C1orf94: variants seen among roughly 807,000 people sequenced by gnomAD.
The protein encoded by C1orf94 is uncharacterized protein C1orf94.
Under a neutral mutation model 53.6 loss-of-function variants are expected in C1orf94, and 45 were observed. The ratio of observed to expected loss-of-function variants is 0.84; its 90% CI spans 0.66 to 1.08. The LOEUF (loss-of-function observed/expected upper bound fraction) is 1.08. C1orf94 is among the 50% of genes least tolerant of loss of function. The probability of loss-of-function intolerance (pLI) is 0.00; values close to 1 mark genes in which losing one functional copy is unlikely to be tolerated. For missense variants in C1orf94, 762 were observed against 738.9 expected, an observed-to-expected ratio of 1.03 and a Z score of -0.36; for synonymous variants, 304 against 296.1, an observed-to-expected ratio of 1.03 and a Z score of -0.27.
intron 5 of C1orf94, among the ~76,000 whole-genome samples, chr1:34,211,479 T>A (rs141165593): frequency 9.6e-4 from 146 of 152,286 alleles, no homozygotes; most frequent in South Asian, 3.7e-3. Context: ...AATTCCTGTA[T>A]TTCCCTAGAG....
At chr1:34,176,763 A>G, upstream of C1orf94, among the ~76,000 whole-genome samples, 1 of 152,090 alleles carries the variant, frequency 6.6e-6, no homozygotes, top group East Asian at 1.9e-4. Flanking sequence ...CCCAGGCAGG[A>G]GCTGAGATTT....
At chr1:34,182,863 G>A (rs961831312) in intron 1 of C1orf94, among the ~76,000 whole-genome samples, 2 of 152,168 alleles carry the variant, frequency 1.3e-5, no homozygotes, top group African/African-American at 2.4e-5. Flanking sequence ...TGAGAGCTGG[G>A]AGGATGTCTT....
At chr1:34,210,154 C>T (rs297794) in intron 5 of C1orf94, among the ~76,000 whole-genome samples, 5,532 of 152,214 alleles carry the variant, frequency 0.036, 245 homozygotes, top group African/African-American at 0.11. Flanking sequence ...TGTGTGAACT[C>T]TAGGACCTGC....
In C1orf94 at chr1:34,199,498, C is replaced by G. The variant is rs149054858; in HGVS notation, c.1010-1274C>G. On this transcript the variant is annotated intron_variant, in intron 2 of 6. Transcript: ENST00000488417. The stretch of plus-strand genomic sequence containing the variant: ...AGTGCTAGGAAGACAGCCTTAGCCC[C>G]GAAGCTCAGCCCCCAAGCCGCTGGG... 4.5e-3 allele frequency among the ~76,000 whole-genome samples: 683 copies of G among 152,278 alleles called. 10 individuals are homozygous for G. The highest frequency in any genetic ancestry group is 0.016 in the African/African-American group (650 of 41,562).
chr1:34,197,155 A>T lies in C1orf94; in HGVS notation c.321-70A>T. 1 of 1,362,902 alleles carries T rather than the reference A, an allele frequency of 7.3e-7. No individual in the cohort carries two copies. Among genetic ancestry groups the T allele is most frequent in the Non-Finnish European group, 9.8e-7 (1 of 1,015,948 alleles). The allele number at this position is 1,362,902 out of a possible 1,614,324, so 84.4% of individuals were successfully genotyped here. A position where few individuals can be genotyped will look rare whatever the true frequency, so the allele number is the denominator to read the frequency against. On this transcript the variant is annotated intron_variant, in intron 1 of 6. Coordinates refer to ENST00000488417, the MANE Select transcript of C1orf94 (RefSeq NM_001134734.2). The surrounding 1 kb of genome is among the most constrained non-coding windows in gnomAD (Gnocchi z 4.1). ...CATCCATCTCCCTTTTCTGGGGCCT[A>T]TGTCCTTCTGCAAAGCCACGCCTTG...
At chr1:34,214,052 G>C (rs1642943569) in intron 6 of C1orf94, among the ~76,000 whole-genome samples, 1 of 152,206 alleles carries the variant, frequency 6.6e-6, no homozygotes, top group Non-Finnish European at 1.5e-5. Context: ...AATAGGACAT[G>C]CTTCTTCCCT....
chr1:34,181,975 C>G (rs1642316863), intron 1 of C1orf94, among the ~76,000 whole-genome samples: 1 of 152,152 alleles, frequency 6.6e-6, no homozygotes, highest in Non-Finnish European at 1.5e-5. Context: ...GGGCAGAACG[C>G]TTGAGCCCAG....
At chr1:34,201,996 A>T in intron 3 of C1orf94, 88 bp from the exon 4 acceptor site, 1 of 1,368,668 alleles carries the variant, frequency 7.3e-7, no homozygotes. Context: ...TGAGACTGTG[A>T]ATCCCTAAGG....
At chr1:34,181,974 G>A (rs762593697) in intron 1 of C1orf94, among the ~76,000 whole-genome samples, 2 of 152,130 alleles carry the variant, frequency 1.3e-5, no homozygotes, top group African/African-American at 2.4e-5. Flanking sequence ...TGGGCAGAAC[G>A]CTTGAGCCCA....
intron 6 of C1orf94, among the ~76,000 whole-genome samples, chr1:34,214,436 G>GAGGA (rs1642949196): frequency 6.6e-6 from 1 of 152,238 alleles, no homozygotes; most frequent in African/African-American, 2.4e-5. Context: ...GTAAGAGAAA[G>GAGGA]AGGAAGCAGG....
Position 34,192,838 on chromosome 1 carries a change from C to G in C1orf94, c.321-4387C>G, listed in dbSNP as rs575587843. 9.9e-4 allele frequency among the ~76,000 whole-genome samples: 151 copies of G among 152,138 alleles called. 1 individual carries two copies. Among genetic ancestry groups the G allele is most frequent in the Middle Eastern group, 3.4e-3 (1 of 294 alleles). ...ATTCCATAGGAAGTGCAAAGGCCCT[C>G]GGGCTGGAATGAACTTAGCATTTCA... On this transcript the variant is annotated intron_variant, in intron 1 of 6. Coordinates refer to ENST00000488417, the MANE Select transcript of C1orf94 (RefSeq NM_001134734.2).
In C1orf94 at chr1:34,212,513, T is replaced by G. The variant is rs374408201; in HGVS notation, c.1721+107T>G. 71 of 1,168,278 alleles carry G rather than the reference T, an allele frequency of 6.1e-5. No homozygotes were observed. The African/African-American group carries it at 8.7e-4, about 14-fold the overall frequency. 72.4% of individuals were successfully genotyped at this position (1,168,278 alleles called of 1,614,324 possible). ...TTTCTTAGTATGTGTGTTCCATGGCTGTGGGGTGGGATGGGCCCTGTACCT... is the reference window on the plus strand; with the variant it reads ...TTTCTTAGTATGTGTGTTCCATGGCGGTGGGGTGGGATGGGCCCTGTACCT... On this transcript the variant is annotated intron_variant, in intron 6 of 6. Coordinates refer to ENST00000488417, the MANE Select transcript of C1orf94 (RefSeq NM_001134734.2).
chr1:34,188,569 T>C (rs974519741), intron 1 of C1orf94, among the ~76,000 whole-genome samples: 2 of 152,192 alleles, frequency 1.3e-5, no homozygotes, highest in Non-Finnish European at 2.9e-5. Flanking sequence ...TGGCTGTGAA[T>C]CTGGGCCAGC....
chr1:34,211,090 C>T (rs947492042), intron 5 of C1orf94, among the ~76,000 whole-genome samples: 4 of 152,074 alleles, frequency 2.6e-5, no homozygotes, highest in African/African-American at 7.2e-5. Context: ...CTAACTGATA[C>T]TCCCCTCAGT....
At chr1:34,214,331 G>A (rs1385811041) in intron 6 of C1orf94, among the ~76,000 whole-genome samples, 3 of 152,212 alleles carry the variant, frequency 2.0e-5, no homozygotes, top group Non-Finnish European at 4.4e-5. Flanking sequence ...GATTGGAAAA[G>A]GGAGGTTGAG....
chr1:34,215,776 TG>T (rs1380510221), intron 6 of C1orf94, among the ~76,000 whole-genome samples: 12 of 152,016 alleles, frequency 7.9e-5, no homozygotes, highest in African/African-American at 2.9e-4. Flanking sequence ...GAGACCGAGG[TG>T]GGTGGATCAC....
intron 1 of C1orf94, among the ~76,000 whole-genome samples, chr1:34,169,662 C>A (rs1224056653): frequency 7.1e-6 from 1 of 141,624 alleles, no homozygotes; most frequent in South Asian, 2.3e-4. Flanking sequence ...TCTAGCAATG[C>A]GAGGGCAGAA....
intron 1 of C1orf94, among the ~76,000 whole-genome samples, chr1:34,171,156 C>T (rs1296388513): frequency 6.6e-6 from 1 of 152,162 alleles, no homozygotes; most frequent in Non-Finnish European, 1.5e-5. Context: ...ATCATCTGTC[C>T]CTGCCAGCCC....
At chr1:34,200,585 G>A (rs181528014) in intron 2 of C1orf94, among the ~76,000 whole-genome samples, 187 bp from the exon 3 acceptor site, 2 of 152,210 alleles carry the variant, frequency 1.3e-5, no homozygotes, top group Non-Finnish European at 2.9e-5. Flanking sequence ...TGAGATCGGG[G>A]GGCAGGGGCC....
Sources: gnomAD v4.1 joint callset for allele counts (sites outside exome capture counted in the v4.1 genomes callset) on GRCh38, gnomAD v4.1.1 for gene constraint, Gnocchi (gnomAD v3.1) non-coding constraint, MANE v1.5 for transcripts, NCBI Gene and HGNC (gene_info 2026-07-23, HGNC 2026-07-21) for gene names.